The following ABCB11 variants were observed in gnomAD, a reference collection of about 807,000 sequenced individuals.
ABCB11 encodes ATP binding cassette subfamily B member 11, also known as bile salt export pump.
A neutral mutation model predicts 148.0 loss-of-function variants in ABCB11; 95 were observed. The observed-to-expected ratio is 0.64, with a 90% confidence interval of 0.54 to 0.76. The LOEUF is 0.76. Among genes scored for constraint, ABCB11 ranks in the 30% least tolerant of loss-of-function variants. The pLI is 0.00. For synonymous variants in ABCB11, 591 were observed against 555.4 expected (o/e 1.06, Z -0.90); for missense variants, 1,523 against 1,617.8 (o/e 0.94, Z 1.01).
intron 5 of ABCB11, among the ~76,000 whole-genome samples, 195 bp from the exon 6 acceptor site, chr2:168,996,917 C>T (rs1380582937): frequency 6.6e-6 from 1 of 150,498 alleles, no homozygotes; most frequent in African/African-American, 2.4e-5. Flanking sequence ...TATAATAAAT[C>T]CAACCAAATT....
chr2:168,915,728 T>C (rs1690928443), intron 2 of ABCB11, among the ~76,000 whole-genome samples: 2 of 152,260 alleles, frequency 1.3e-5, no homozygotes, highest in South Asian at 2.1e-4. Context: ...TCAGGTTTTC[T>C]TTTACCCAGG....
intron 9 of ABCB11, among the ~76,000 whole-genome samples, chr2:168,986,523 T>C (rs1364115770): frequency 1.3e-5 from 2 of 152,108 alleles, no homozygotes; most frequent in African/African-American, 4.8e-5. Context: ...GCTGCTTGGA[T>C]TGCATAGTGA....
At chr2:168,970,907 G>C (rs1213109151) in intron 14 of ABCB11, among the ~76,000 whole-genome samples, 2 of 151,978 alleles carry the variant, frequency 1.3e-5, no homozygotes, top group African/African-American at 4.8e-5. Flanking sequence ...ACTTGAGAAA[G>C]TTTGTAAAGC....
At chr2:168,960,385 C>T (rs967644689) in intron 18 of ABCB11, among the ~76,000 whole-genome samples, 12 of 151,614 alleles carry the variant, frequency 7.9e-5, no homozygotes, top group African/African-American at 2.9e-4. Context: ...CTAAATTCTG[C>T]CAGCTTCCTT....
intron 19 of ABCB11, among the ~76,000 whole-genome samples, chr2:168,955,323 GA>G (rs1260057498): frequency 6.6e-6 from 1 of 151,524 alleles, no homozygotes; most frequent in Non-Finnish European, 1.5e-5. Context: ...AATTTATGAA[GA>G]AAAGAGGTTT....
chr2:168,986,021 A>G lies in ABCB11; in HGVS notation c.1083+89T>C, dbSNP rs1694305358. 6 of 1,114,590 alleles carry G rather than the reference A, an allele frequency of 5.4e-6. No individual in the cohort carries two copies. In the South Asian group the frequency reaches 1.8e-4, roughly 33 times the overall value. The allele number at this position is 1,114,590 out of a possible 1,614,324, so 69.0% of individuals were successfully genotyped here. On this transcript the variant is annotated intron_variant, in intron 10 of 27. Transcript: ENST00000650372. Reference sequence around the variant, plus strand: ...TCATTGATGCTTTTTTCCTGAAGGCACCAAAGTAATAAACAAAATATCTAA... The same window carrying G: ...TCATTGATGCTTTTTTCCTGAAGGCGCCAAAGTAATAAACAAAATATCTAA...
chr2:169,013,232 T>G (rs746780976), intron 5 of ABCB11, 40 bp downstream of exon 5: 1 of 1,477,672 alleles, frequency 6.8e-7, no homozygotes, highest in East Asian at 2.3e-5. Context: ...ATTTAAGATA[T>G]GAGCAAAAAA....
chr2:168,932,807 G>C (rs1370781787), intron 23 of ABCB11, among the ~76,000 whole-genome samples: 3 of 152,042 alleles, frequency 2.0e-5, no homozygotes, highest in Non-Finnish European at 1.5e-5. Flanking sequence ...GACCACAATA[G>C]CTTCCTTTAA....
At chr2:169,016,753 T>G (rs955393890) in intron 3 of ABCB11, 25 bp downstream of exon 3, 1 of 1,586,690 alleles carries the variant, frequency 6.3e-7, no homozygotes, top group African/African-American at 1.3e-5. Flanking sequence ...GAAAAGATGC[T>G]GCATTGTTGA....
At chr2:168,948,066 G>A (rs1692409017) in intron 19 of ABCB11, among the ~76,000 whole-genome samples, 1 of 151,404 alleles carries the variant, frequency 6.6e-6, no homozygotes, top group Non-Finnish European at 1.5e-5. Flanking sequence ...ATGATCCCAG[G>A]GCACACAGGA....
At chr2:169,014,885 T>C (rs899109083) in intron 3 of ABCB11, among the ~76,000 whole-genome samples, 2 of 152,200 alleles carry the variant, frequency 1.3e-5, no homozygotes, top group African/African-American at 4.8e-5. Flanking sequence ...GTTTAACCTG[T>C]ATTTGACCTC....
chr2:168,954,822 A>G (rs1261099828), intron 19 of ABCB11, among the ~76,000 whole-genome samples: 4 of 151,516 alleles, frequency 2.6e-5, no homozygotes, highest in African/African-American at 9.7e-5. Flanking sequence ...TGTTTTCTAA[A>G]CCTTTTGATC....
At chr2:168,958,820 C>CT (rs907682882) in intron 18 of ABCB11, among the ~76,000 whole-genome samples, 4 of 151,550 alleles carry the variant, frequency 2.6e-5, no homozygotes, top group Admixed American at 6.6e-5. Flanking sequence ...CCTCCGTTGT[C>CT]TTTTTTGGCC....
rs1346577219 is a variant in ABCB11 at position 168,987,772 on chromosome 2, ATG to A, written c.909-1490_909-1489del. Among the ~76,000 whole-genome samples the A allele has an allele frequency of 2.0e-5, 3 of 152,328 alleles. No individual in the cohort carries two copies. The East Asian group carries it at 5.8e-4, about 29-fold the overall frequency. ...AATCTTATCAGACTTTATAAAGAAC[ATG>A]TAGCACAGTACCTGAATAAAGTGTG... On this transcript the variant is annotated intron_variant, in intron 9 of 27. Transcript: ENST00000650372.
At chr2:168,926,309 A>T (rs1291586148) in intron 26 of ABCB11, among the ~76,000 whole-genome samples, 3 of 152,172 alleles carry the variant, frequency 2.0e-5, no homozygotes, top group African/African-American at 7.2e-5. Context: ...CCCACCACCC[A>T]CGGTACACAT....
intron 17 of ABCB11, among the ~76,000 whole-genome samples, chr2:168,965,588 G>T (rs1479902124): frequency 6.6e-6 from 1 of 151,746 alleles, no homozygotes; most frequent in African/African-American, 2.4e-5. Flanking sequence ...TCCAAGTTGG[G>T]TTAGGTTTTC....
At chr2:168,936,489 A>G in intron 21 of ABCB11, 56 bp from the exon 22 acceptor site, 1 of 1,535,802 alleles carries the variant, frequency 6.5e-7, no homozygotes, top group Non-Finnish European at 9.0e-7. Context: ...TTTACCAATT[A>G]CCATTACACA....
rs1202424402 is a variant in ABCB11 at position 168,921,038 on chromosome 2, C to T, written c.*2584G>A. 6.6e-6 allele frequency among the ~76,000 whole-genome samples: 1 copy of T among 152,186 alleles called. No homozygotes were observed. Among genetic ancestry groups the T allele is most frequent in the African/African-American group, 2.4e-5 (1 of 41,446 alleles). ...ATGCTCTTGCTCTTTGAAATGCAAACCAAAACAAGAGCTTTAGTCTTTCAT... is the reference window on the plus strand; with the variant it reads ...ATGCTCTTGCTCTTTGAAATGCAAATCAAAACAAGAGCTTTAGTCTTTCAT... On this transcript the variant is annotated 3_prime_UTR_variant, in exon 28 of 28. Coordinates refer to ENST00000650372, the MANE Select transcript of ABCB11 (RefSeq NM_003742.4).
intron 9 of ABCB11, among the ~76,000 whole-genome samples, chr2:168,988,069 T>C (rs530305008): frequency 6.6e-6 from 1 of 152,162 alleles, no homozygotes; most frequent in Non-Finnish European, 1.5e-5. Context: ...TTATTAACCA[T>C]AGTCACCATG....
Sources: gnomAD v4.1 joint callset for allele counts (sites outside exome capture counted in the v4.1 genomes callset) on GRCh38, gnomAD v4.1.1 for gene constraint, MANE v1.5 for transcripts, NCBI Gene and HGNC (gene_info 2026-07-23, HGNC 2026-07-21) for gene names.